ZPBP2: variants seen among roughly 807,000 people sequenced by gnomAD.
ZPBP2 encodes the protein zona pellucida-binding protein 2.
A neutral mutation model predicts 37.5 loss-of-function variants in ZPBP2; 34 were observed. That is an observed-to-expected ratio of 0.91 (90% CI 0.69 to 1.21). ZPBP2 has a LOEUF of 1.21. Among genes scored for constraint, ZPBP2 ranks in the 50% most tolerant of loss-of-function variants. The pLI is 0.00. For synonymous variants in ZPBP2, 143 were observed against 138.4 expected, an observed-to-expected ratio of 1.03 and a Z score of -0.23; for missense variants, 397 against 413.5, an observed-to-expected ratio of 0.96 and a Z score of 0.35.
intron 2 of ZPBP2, 97 bp downstream of exon 2, chr17:39,868,711 C>A: frequency 7.2e-7 from 1 of 1,389,226 alleles, no homozygotes; most frequent in Non-Finnish European, 1.0e-6. Flanking sequence ...AACGAGCCAG[C>A]GTTTATTGAG....
In ZPBP2 at chr17:39,868,378, C is replaced by G. The variant is rs748163170; in HGVS notation, c.24C>G (p.Leu8=). 14 of 1,610,312 alleles carry G rather than the reference C, an allele frequency of 8.7e-6. No homozygotes were observed. Among genetic ancestry groups the G allele is most frequent in the Non-Finnish European group, 1.2e-5 (14 of 1,179,976 alleles). Residue 8 remains leucine (L), a synonymous_variant, in exon 1 of 8, where the codon CTC becomes CTG. Coordinates refer to ENST00000348931, the MANE Select transcript of ZPBP2 (RefSeq NM_199321.3). The part of the protein sequence containing the change: MMRTCVL[L]SAVLWCLTGV... Reference sequence around the variant, plus strand: ...CGATGATGCGAACGTGCGTCCTACTCTCCGCGGTGCTCTGGTGCCTCACAG... The same window carrying G: ...CGATGATGCGAACGTGCGTCCTACTGTCCGCGGTGCTCTGGTGCCTCACAG...
intron 6 of ZPBP2, among the ~76,000 whole-genome samples, 193 bp from the exon 7 acceptor site, chr17:39,875,061 C>G (rs549316488): frequency 6.6e-6 from 1 of 152,198 alleles, no homozygotes; most frequent in Admixed American, 6.5e-5. Flanking sequence ...TTTTTCTTAA[C>G]CATTGCACAT....
At position 39,873,489 on chromosome 17, in the gene ZPBP2, T is replaced by C. The variant is rs180886765; in HGVS notation, c.708+363T>C. ...TTATTGATTTTTGGTTTCAGTTTTT[T>C]AAACTGAGATTATGAGATTCTTAGT... is the stretch of plus-strand genomic sequence containing the variant. On this transcript the variant is annotated intron_variant, in intron 6 of 7. Coordinates refer to ENST00000348931, the MANE Select transcript of ZPBP2 (RefSeq NM_199321.3). Among the ~76,000 whole-genome samples, 24 of 152,316 alleles carry C rather than the reference T, an allele frequency of 1.6e-4. No homozygotes were observed. In the East Asian group the frequency reaches 3.7e-3, roughly 23 times the overall value.
intron 2 of ZPBP2, 30 bp from the exon 3 acceptor site, chr17:39,870,664 G>A: frequency 2.3e-6 from 3 of 1,277,388 alleles, no homozygotes; most frequent in Non-Finnish European, 2.1e-6. Flanking sequence ...GCTATATAAT[G>A]TAGTTATACA....
intron 2 of ZPBP2, among the ~76,000 whole-genome samples, chr17:39,870,226 TAG>T (rs2144639893): frequency 2.0e-5 from 3 of 152,150 alleles, no homozygotes; most frequent in Non-Finnish European, 4.4e-5. Flanking sequence ...GTATTTTTAG[TAG>T]AGAGGGGGTT....
rs1445709509 is a variant in ZPBP2, at chr17:39,876,882, A to G, written c.*73A>G. The G allele has an allele frequency of 1.3e-6, 2 of 1,577,356 alleles. No homozygotes were observed. Among genetic ancestry groups the G allele is most frequent in the African/African-American group, 2.7e-5 (2 of 73,856 alleles). ...ATTTTCACATCCCAGAGCATCATAG[A>G]TAGTTCCATTAAGTAAAATCAGTAA... On this transcript the variant is annotated 3_prime_UTR_variant, in exon 8 of 8. Transcript: ENST00000348931.
chr17:39,870,004 G>A lies in ZPBP2; in HGVS notation c.119-690G>A, dbSNP rs147224870. The stretch of plus-strand genomic sequence containing the variant: ...GCTGGGATTACAGGCATGAGCCACC[G>A]CTCCCAGCTGATCATCTTTAGAATA... On this transcript the variant is annotated intron_variant, in intron 2 of 7. Transcript: ENST00000348931. Among the ~76,000 whole-genome samples, 1,295 of 152,076 alleles carry A rather than the reference G, an allele frequency of 8.5e-3. 15 individuals carry two copies. Among genetic ancestry groups the A allele is most frequent in the African/African-American group, 0.03 (1,230 of 41,460 alleles).
rs569053500 is a variant in ZPBP2, at chr17:39,871,368, A to G, written c.245-96A>G. On this transcript the variant is annotated intron_variant, in intron 3 of 7. Transcript: ENST00000348931. The stretch of plus-strand genomic sequence containing the variant: ...ATCCTTAAAGTTGAGATAGTTCATT[A>G]ATTTTTAAAATTTTTGTATCTATTT... The G allele has an allele frequency of 1.1e-4, 89 of 807,456 alleles. No individual in the cohort carries two copies. In the Middle Eastern group the frequency reaches 3.4e-3, roughly 30 times the overall value. 50.0% of individuals were successfully genotyped at this position (807,456 alleles called of 1,614,324 possible). A position where few individuals can be genotyped will look rare whatever the true frequency, so the allele number is the denominator to read the frequency against.
rs778676815 is a variant in ZPBP2, at chr17:39,872,383, C to CT, written c.521dup (p.Ile175AsnfsTer3). 1.2e-6 allele frequency: 2 copies of CT among 1,613,168 alleles called. No individual in the cohort carries two copies. Among genetic ancestry groups the CT allele is most frequent in the African/African-American group, 2.7e-5 (2 of 74,814 alleles). On this transcript the variant is annotated frameshift_variant, in exon 5 of 8. Coordinates refer to ENST00000348931, the MANE Select transcript of ZPBP2 (RefSeq NM_199321.3). LOFTEE classifies it high-confidence loss of function. ...AGTGCTGAAGAAAATCTTGGATAGT[C>CT]TAATTTCTGATTTGTCATGCCATGT...
Position 39,875,364 on chromosome 17 carries a change from A to T in ZPBP2, c.819A>T (p.Val273=). The stretch of plus-strand genomic sequence containing the variant: ...TTGTGGACCACAGTTTGCAAGTAGT[A>T]CGTCTGGATAGCTGTCGACCAGGCT... ...MHFVDHSLQV[V]RLDSCRPGFG... The change falls in exon 7 of 8, where the codon GTA becomes GTT. Residue 273 remains valine, a synonymous_variant. Coordinates refer to ENST00000348931, the MANE Select transcript of ZPBP2 (RefSeq NM_199321.3). The T allele has an allele frequency of 1.2e-6, 2 of 1,614,144 alleles. No individual in the cohort carries two copies. The highest frequency in any genetic ancestry group is 1.7e-6 in the Non-Finnish European group (2 of 1,180,008).
At position 39,868,532 on chromosome 17, in the gene ZPBP2, T is replaced by C. The variant is rs561404935; in HGVS notation, c.53-17T>C. The C allele has an allele frequency of 1.2e-6, 2 of 1,614,172 alleles. No individual in the cohort carries two copies. Among genetic ancestry groups the C allele is most frequent in the Admixed American group, 3.3e-5 (2 of 60,020 alleles). ...CTCCTCTTCTAACTAAAAGTCAGTG[T>C]TTTATTTCCTCCGCAGTCCAATGCC... is the stretch of plus-strand genomic sequence containing the variant. On this transcript the variant is annotated splice_polypyrimidine_tract_variant and intron_variant, in intron 1 of 7. Transcript: ENST00000348931.
At position 39,872,483 on chromosome 17, in the gene ZPBP2, T is replaced by G. The variant is rs952441889; in HGVS notation, c.620T>G (p.Phe207Cys). 6.3e-7 allele frequency: 1 copy of G among 1,579,816 alleles called. No individual in the cohort carries two copies. The highest frequency in any genetic ancestry group is 8.6e-7 in the Non-Finnish European group (1 of 1,168,020). The change falls in exon 5 of 8, where the codon TTT becomes TGT. Residue 207 changes from phenylalanine to cysteine, a missense_variant. Coordinates refer to ENST00000348931, the MANE Select transcript of ZPBP2 (RefSeq NM_199321.3). Reference protein sequence around the residue: ...HGLIHELFIAFQVNPFAPGWK... With the variant: ...HGLIHELFIACQVNPFAPGWK... ...CTCATACATGAGCTATTTATAGCAT[T>G]TCAAGGTAAAATTTTTAAAATTTCT...
rs1448710322 is a variant in ZPBP2 at position 39,872,552 on chromosome 17, A to G, written c.625+64A>G. ...CTGAACCATAATAGATTACAAAATT[A>G]CCATATTAATATAAGATATTTTAAA... On this transcript the variant is annotated intron_variant, in intron 5 of 7. Coordinates refer to ENST00000348931, the MANE Select transcript of ZPBP2 (RefSeq NM_199321.3). 5 of 1,054,222 alleles carry G rather than the reference A, an allele frequency of 4.7e-6. No homozygotes were observed. In the East Asian group the frequency reaches 1.3e-4, roughly 28 times the overall value. The allele number at this position is 1,054,222 out of a possible 1,614,324, so 65.3% of individuals were successfully genotyped here.
chr17:39,871,468 T>A lies in ZPBP2; in HGVS notation c.249T>A (p.Asn83Lys). The change falls in exon 4 of 8, where the codon AAT becomes AAA. Residue 83 changes from asparagine (N) to lysine (K), a missense_variant. Asn to Lys is a moderately conservative substitution (Grantham distance 94). Transcript: ENST00000348931. ...IGPNEKTLTG[N>K]NRINITETGQ... ...GTAATTTACTATTCTGTTTAGGAAA[T>A]AATAGAATAAATATAACTGAAACTG... 1 of 1,575,018 alleles carries A rather than the reference T, an allele frequency of 6.3e-7. No homozygotes were observed. Among genetic ancestry groups the A allele is most frequent in the Non-Finnish European group, 8.6e-7 (1 of 1,162,786 alleles).
rs35829084 is a variant in ZPBP2, at chr17:39,871,571, G to T, written c.352G>T (p.Ala118Ser). Residue 118 changes from alanine to serine, a missense_variant, in exon 4 of 8, where the codon GCA becomes TCA. Coordinates refer to ENST00000348931, the MANE Select transcript of ZPBP2 (RefSeq NM_199321.3). Reference protein sequence around the residue: ...TCTLSYKTVKAETQEEKTVKK... With the variant: ...TCTLSYKTVKSETQEEKTVKK... ...TACTCTTTCTTATAAGACTGTTAAAGCAGAAACTCAAGAAGAAAAAACAGT... is the reference window on the plus strand; with the variant it reads ...TACTCTTTCTTATAAGACTGTTAAATCAGAAACTCAAGAAGAAAAAACAGT... 1 of 1,600,076 alleles carries T rather than the reference G, an allele frequency of 6.2e-7. No homozygotes were observed. The highest frequency in any genetic ancestry group is 1.7e-5 in the Admixed American group (1 of 57,472).
In ZPBP2 at chr17:39,872,357, G is replaced by C. The variant is rs1960106801; in HGVS notation, c.494G>C (p.Arg165Thr). 6.2e-7 allele frequency: 1 copy of C among 1,613,222 alleles called. No individual in the cohort carries two copies. The highest frequency in any genetic ancestry group is 1.3e-5 in the African/African-American group (1 of 74,802). ...GGGAGATACAATGATGTATTCTTTAGAGTGCTGAAGAAAATCTTGGATAGT... is the reference window on the plus strand; with the variant it reads ...GGGAGATACAATGATGTATTCTTTACAGTGCTGAAGAAAATCTTGGATAGT... ...CIGRYNDVFFRVLKKILDSLI... is the reference protein window; with the variant it reads ...CIGRYNDVFFTVLKKILDSLI... The change falls in exon 5 of 8, where the codon AGA (arginine) becomes ACA (threonine). Residue 165 changes from arginine to threonine, a missense_variant. Coordinates refer to ENST00000348931, the MANE Select transcript of ZPBP2 (RefSeq NM_199321.3).
chr17:39,870,727 C>A lies in ZPBP2; in HGVS notation c.152C>A (p.Pro51Gln). Residue 51 changes from proline (P) to glutamine (Q), a missense_variant, in exon 3 of 8, where the codon CCA (proline) becomes CAA (glutamine). Transcript: ENST00000348931. ...KIYVELHQNSPVLICMDFKLS... is the reference protein window; with the variant it reads ...KIYVELHQNSQVLICMDFKLS... The stretch of plus-strand genomic sequence containing the variant: ...TATGTAGAGTTACATCAAAATAGTC[C>A]AGTCCTTATCTGTATGGATTTTAAG... The A allele has an allele frequency of 1.3e-6, 2 of 1,513,734 alleles. No homozygotes were observed. Among genetic ancestry groups the A allele is most frequent in the African/African-American group, 1.4e-5 (1 of 73,162 alleles). The allele number at this position is 1,513,734 out of a possible 1,614,324, so 93.8% of individuals were successfully genotyped here.
At chr17:39,872,928 A>G in intron 5 of ZPBP2, 116 bp from the exon 6 acceptor site, 1 of 808,400 alleles carries the variant, frequency 1.2e-6, no homozygotes. Context: ...CTAGGATTAG[A>G]TAGCTGGACT....
At position 39,868,974 on chromosome 17, in the gene ZPBP2, T is replaced by A. The variant is rs145895912; in HGVS notation, c.118+360T>A. On this transcript the variant is annotated intron_variant, in intron 2 of 7. Transcript: ENST00000348931. ...TATCTTTAATCCTCCCCTTATTAAC[T>A]GGAAAAACTCCCACGCATCCTTCAG... Among the ~76,000 whole-genome samples, 488 of 152,282 alleles carry A rather than the reference T, an allele frequency of 3.2e-3. 4 individuals carry two copies. The highest frequency in any genetic ancestry group is 0.011 in the African/African-American group (463 of 41,550).
Sources: allele counts gnomAD v4.1 joint callset (sites outside exome capture counted in the v4.1 genomes callset), GRCh38; gene constraint gnomAD v4.1.1; transcripts MANE v1.5; gene names NCBI Gene and HGNC (gene_info 2026-07-23, HGNC 2026-07-21).